GABRB2: variants seen among roughly 807,000 people sequenced by gnomAD.
GABRB2 encodes gamma-aminobutyric acid receptor subunit beta-2.
In GABRB2, 16 loss-of-function variants were observed where a neutral mutation model predicts 54.7. That is an observed-to-expected ratio of 0.29 (90% CI 0.20 to 0.44). The LOEUF is 0.44. Among genes scored for constraint, GABRB2 ranks in the 20% least tolerant of loss-of-function variants. The pLI is 1.00. For synonymous variants in GABRB2, 244 were observed against 233.8 expected (o/e 1.04, Z -0.40); for missense variants, 355 against 644.0 (o/e 0.55, Z 4.86).
At chr5:161,495,774 G>T (rs1759221330) in intron 3 of GABRB2, among the ~76,000 whole-genome samples, 1 of 152,088 alleles carries the variant, frequency 6.6e-6, no homozygotes, top group Non-Finnish European at 1.5e-5. Context: ...GGCTGTGTGA[G>T]ACTTCCTCAT....
At chr5:161,496,941 A>G (rs1460392777) in intron 3 of GABRB2, among the ~76,000 whole-genome samples, 1 of 152,158 alleles carries the variant, frequency 6.6e-6, no homozygotes, top group African/African-American at 2.4e-5. Flanking sequence ...AACTGCTTAT[A>G]ATAAGGCTGT....
At chr5:161,459,478 T>A (rs1758056739) in intron 4 of GABRB2, 146 bp downstream of exon 4, 15 of 688,662 alleles carry the variant, frequency 2.2e-5, no homozygotes, top group Non-Finnish European at 3.6e-5. Flanking sequence ...TACCTTAAGC[T>A]CTCAAATGTC....
chr5:161,542,727 C>T (rs569871794), intron 3 of GABRB2, among the ~76,000 whole-genome samples: 1 of 152,302 alleles, frequency 6.6e-6, no homozygotes, highest in South Asian at 2.1e-4. Flanking sequence ...TTACCAGAGA[C>T]TGCAGTCCAC....
chr5:161,486,861 T>C (rs375623559), intron 3 of GABRB2, among the ~76,000 whole-genome samples: 30 of 152,042 alleles, frequency 2.0e-4, no homozygotes, highest in Middle Eastern at 6.8e-3. Context: ...ACAAAGAATT[T>C]TGGACATCAT....
intron 3 of GABRB2, among the ~76,000 whole-genome samples, chr5:161,475,899 G>C (rs1252229496): frequency 6.6e-6 from 1 of 151,862 alleles, no homozygotes; most frequent in Non-Finnish European, 1.5e-5. Context: ...ACAAGACAAA[G>C]ATGTCCACTT....
chr5:161,445,348 T>A (rs1757587161), intron 4 of GABRB2, among the ~76,000 whole-genome samples: 1 of 152,040 alleles, frequency 6.6e-6, no homozygotes, highest in South Asian at 2.1e-4. Context: ...TACTGTATTT[T>A]CATTCTTTCT....
At chr5:161,377,919 T>C (rs1755356958) in intron 5 of GABRB2, among the ~76,000 whole-genome samples, 2 of 152,082 alleles carry the variant, frequency 1.3e-5, no homozygotes, top group Non-Finnish European at 2.9e-5. Flanking sequence ...GTAATACATA[T>C]TTGTATGTAT....
chr5:161,536,786 C>T (rs927626444), intron 3 of GABRB2, among the ~76,000 whole-genome samples: 2 of 151,982 alleles, frequency 1.3e-5, no homozygotes, highest in African/African-American at 2.4e-5. Context: ...TTATTAGAGA[C>T]GGGGTTTTGT....
At chr5:161,431,275 G>A (rs1387863731) in intron 4 of GABRB2, among the ~76,000 whole-genome samples, 3 of 152,014 alleles carry the variant, frequency 2.0e-5, no homozygotes, top group South Asian at 2.1e-4. Flanking sequence ...TTCAATATAT[G>A]CTAACCACTC....
intron 5 of GABRB2, among the ~76,000 whole-genome samples, chr5:161,390,425 A>T (rs1430573415): frequency 1.3e-5 from 2 of 152,040 alleles, no homozygotes; most frequent in African/African-American, 4.8e-5. Context: ...ATGCCAGAGG[A>T]TACTAACTAG....
chr5:161,443,255 C>T (rs797013855), intron 4 of GABRB2, among the ~76,000 whole-genome samples: 16 of 152,250 alleles, frequency 1.1e-4, no homozygotes, highest in Middle Eastern at 6.8e-3. Context: ...GATAAAATAG[C>T]TTTTTGTAAT....
intron 5 of GABRB2, among the ~76,000 whole-genome samples, chr5:161,377,836 AAC>A (rs1455423636): frequency 5.3e-5 from 8 of 152,204 alleles, no homozygotes; most frequent in Middle Eastern, 3.4e-3. Context: ...TCCTATAAAA[AAC>A]ACACAGTGTC....
At chr5:161,309,836 T>G (rs1431310386) in intron 9 of GABRB2, among the ~76,000 whole-genome samples, 1 of 152,118 alleles carries the variant, frequency 6.6e-6, no homozygotes, top group Non-Finnish European at 1.5e-5. Flanking sequence ...TTTCACCGTG[T>G]TAGCCAGGAT....
At chr5:161,506,230 T>C (rs987815878) in intron 3 of GABRB2, among the ~76,000 whole-genome samples, 1 of 152,044 alleles carries the variant, frequency 6.6e-6, no homozygotes, top group East Asian at 1.9e-4. Flanking sequence ...AAAACCTCTA[T>C]ACAAACATTT....
intron 4 of GABRB2, among the ~76,000 whole-genome samples, chr5:161,435,147 G>A (rs1227947645): frequency 2.0e-5 from 3 of 152,036 alleles, no homozygotes; most frequent in Non-Finnish European, 4.4e-5. Context: ...AATTATACCA[G>A]TTTTGAAAAA....
intron 3 of GABRB2, among the ~76,000 whole-genome samples, chr5:161,538,981 G>A (rs1043454210): frequency 5.9e-5 from 9 of 152,156 alleles, no homozygotes; most frequent in Non-Finnish European, 1.2e-4. Flanking sequence ...TGTGCAGCTG[G>A]TGATGCAAGA....
intron 3 of GABRB2, among the ~76,000 whole-genome samples, chr5:161,476,719 G>A (rs1758601860): frequency 6.6e-6 from 1 of 151,822 alleles, no homozygotes; most frequent in African/African-American, 2.4e-5. Context: ...AAATGGTATT[G>A]GGATAACTGG....
At chr5:161,360,984 T>C (rs891633097) in intron 5 of GABRB2, among the ~76,000 whole-genome samples, 1 of 151,812 alleles carries the variant, frequency 6.6e-6, no homozygotes. Flanking sequence ...CACTCCATCC[T>C]GGGTAGCACG....
At chr5:161,356,622 G>A (rs904985231) in intron 5 of GABRB2, among the ~76,000 whole-genome samples, 3 of 152,152 alleles carry the variant, frequency 2.0e-5, no homozygotes, top group Non-Finnish European at 4.4e-5. Context: ...GGAAAGGGCG[G>A]AGAGGATAGC....
Sources: allele counts gnomAD v4.1 joint callset (sites outside exome capture counted in the v4.1 genomes callset), GRCh38; gene constraint gnomAD v4.1.1; transcripts MANE v1.5; gene names NCBI Gene and HGNC (gene_info 2026-07-23, HGNC 2026-07-21).